The following PPM1E variants were observed in gnomAD, a reference collection of about 807,000 sequenced individuals.
PPM1E encodes the protein protein phosphatase 1E.
PPM1E carries 20 observed loss-of-function variants against 65.9 expected under a neutral mutation model. That is an observed-to-expected ratio of 0.30 (90% CI 0.21 to 0.44). The LOEUF is 0.44. PPM1E is among the 20% of genes least tolerant of loss of function. The pLI, the probability that PPM1E is intolerant of heterozygous loss-of-function variation, is 1.00. For missense variants in PPM1E, 713 were observed against 953.1 expected (o/e 0.75, Z 3.32); for synonymous variants, 352 against 374.9 (o/e 0.94, Z 0.70).
At chr17:58,829,135 C>T (rs764004168) in intron 1 of PPM1E, among the ~76,000 whole-genome samples, 4 of 151,654 alleles carry the variant, frequency 2.6e-5, no homozygotes, top group South Asian at 2.1e-4. Flanking sequence ...CTCCGCCTCC[C>T]GGGTTCAAGC....
intron 1 of PPM1E, among the ~76,000 whole-genome samples, chr17:58,795,091 C>T (rs1346111921): frequency 8.6e-5 from 13 of 151,932 alleles, no homozygotes; most frequent in South Asian, 2.1e-4. Context: ...AGGGTTTCAC[C>T]GTGTTGGTCA....
intron 1 of PPM1E, among the ~76,000 whole-genome samples, chr17:58,863,400 A>C (rs1278509277): frequency 6.6e-6 from 1 of 152,192 alleles, no homozygotes; most frequent in Admixed American, 6.5e-5. Context: ...ACTTCTCTCC[A>C]GTGGGAGCAG....
intron 1 of PPM1E, among the ~76,000 whole-genome samples, chr17:58,942,011 A>AG (rs1173909335): frequency 4.6e-5 from 7 of 151,996 alleles, no homozygotes; most frequent in African/African-American, 1.7e-4. Context: ...GTCTCAAAAA[A>AG]AAAAAAAAAA....
At chr17:58,802,929 G>C (rs949447289) in intron 1 of PPM1E, among the ~76,000 whole-genome samples, 1 of 151,892 alleles carries the variant, frequency 6.6e-6, no homozygotes, top group Non-Finnish European at 1.5e-5. Flanking sequence ...CAGTTCTTTT[G>C]TGGAGTCTTT....
chr17:58,855,284 A>G (rs1218775098), intron 1 of PPM1E, among the ~76,000 whole-genome samples: 1 of 152,184 alleles, frequency 6.6e-6, no homozygotes, highest in East Asian at 1.9e-4. Context: ...GTTAGAGCCT[A>G]ACTGACCTGG....
intron 1 of PPM1E, among the ~76,000 whole-genome samples, chr17:58,761,922 T>A (rs2049825142): frequency 6.6e-6 from 1 of 152,240 alleles, no homozygotes; most frequent in African/African-American, 2.4e-5. Flanking sequence ...TTTATTTGTG[T>A]ATAACATACG....
intron 1 of PPM1E, among the ~76,000 whole-genome samples, chr17:58,776,138 A>G (rs1412282958): frequency 1.3e-5 from 2 of 151,974 alleles, no homozygotes; most frequent in East Asian, 1.9e-4. Context: ...CAGCCTGGGC[A>G]ACATAGTGAA....
chr17:58,816,789 TATATA>T (rs1208324079), intron 1 of PPM1E, among the ~76,000 whole-genome samples: 33 of 9,702 alleles, frequency 3.4e-3, no homozygotes, highest in South Asian at 6.0e-3. Context: ...TATATATATA[TATATA>T]TTTTTTTTTT....
chr17:58,953,215 G>A (rs1210527330), intron 1 of PPM1E, among the ~76,000 whole-genome samples: 1 of 152,180 alleles, frequency 6.6e-6, no homozygotes, highest in Non-Finnish European at 1.5e-5. Context: ...AGTCTGCTTT[G>A]AATTGCTATA....
At chr17:58,946,492 C>CT (rs1447458206) in intron 1 of PPM1E, among the ~76,000 whole-genome samples, 1 of 152,132 alleles carries the variant, frequency 6.6e-6, no homozygotes, top group African/African-American at 2.4e-5. Flanking sequence ...CAGGGTCTCT[C>CT]TGTCTCTCGG....
At chr17:58,768,229 G>A (rs772451483) in intron 1 of PPM1E, among the ~76,000 whole-genome samples, 2 of 152,130 alleles carry the variant, frequency 1.3e-5, no homozygotes, top group East Asian at 1.9e-4. Flanking sequence ...TAGGACTACA[G>A]GCATGAGCCA....
intron 1 of PPM1E, among the ~76,000 whole-genome samples, chr17:58,897,466 C>T (rs572097135): frequency 6.6e-6 from 1 of 151,936 alleles, no homozygotes; most frequent in Non-Finnish European, 1.5e-5. Context: ...ATGCAATGCA[C>T]CTGGTCACCC....
At chr17:58,768,328 C>A (rs1417278471) in intron 1 of PPM1E, among the ~76,000 whole-genome samples, 1 of 152,114 alleles carries the variant, frequency 6.6e-6, no homozygotes, top group Non-Finnish European at 1.5e-5. Context: ...GATCCACCCA[C>A]CTTGGCCTCC....
chr17:58,964,586 G>C (rs2030153393), intron 2 of PPM1E, among the ~76,000 whole-genome samples: 1 of 152,090 alleles, frequency 6.6e-6, no homozygotes, highest in South Asian at 2.1e-4. Context: ...TGTTAGTATT[G>C]CTCCTCTGGC....
At chr17:58,774,617 T>C (rs1449508183) in intron 1 of PPM1E, among the ~76,000 whole-genome samples, 1 of 152,138 alleles carries the variant, frequency 6.6e-6, no homozygotes, top group African/African-American at 2.4e-5. Context: ...AATAGTACTG[T>C]CAGAAATACT....
At chr17:58,878,126 T>C (rs2143375469) in intron 1 of PPM1E, among the ~76,000 whole-genome samples, 1 of 152,332 alleles carries the variant, frequency 6.6e-6, no homozygotes, top group South Asian at 2.1e-4. Flanking sequence ...TAGTTGTTTG[T>C]ATTTGTTATG....
chr17:58,953,068 C>T (rs937662887), intron 1 of PPM1E, among the ~76,000 whole-genome samples: 18 of 152,198 alleles, frequency 1.2e-4, no homozygotes, highest in Admixed American at 3.9e-4. Flanking sequence ...CTCCCTTTCC[C>T]GCTGTAACCC....
At chr17:58,797,477 C>T (rs1437028242) in intron 1 of PPM1E, among the ~76,000 whole-genome samples, 1 of 152,192 alleles carries the variant, frequency 6.6e-6, no homozygotes, top group African/African-American at 2.4e-5. Context: ...ATAGTAGAGA[C>T]ACTTTTGTGG....
At chr17:58,847,068 T>C (rs1774890675) in intron 1 of PPM1E, among the ~76,000 whole-genome samples, 1 of 152,122 alleles carries the variant, frequency 6.6e-6, no homozygotes. Flanking sequence ...TAAATGTCTT[T>C]TTTTGAGAAG....
Sources: allele counts gnomAD v4.1 joint callset (sites outside exome capture counted in the v4.1 genomes callset), GRCh38; gene constraint gnomAD v4.1.1; transcripts MANE v1.5; gene names NCBI Gene and HGNC (gene_info 2026-07-23, HGNC 2026-07-21).